The following SLC6A2 variants were observed in gnomAD, a reference collection of about 807,000 sequenced individuals.
SLC6A2 encodes the protein solute carrier family 6 member 2.
A neutral mutation model predicts 71.7 loss-of-function variants in SLC6A2; 26 were observed. That is an observed-to-expected ratio of 0.36 (90% CI 0.27 to 0.50). The LOEUF (loss-of-function observed/expected upper bound fraction) is 0.50, where lower values mean the gene tolerates loss of function less well. Among genes scored for constraint, SLC6A2 ranks in the 20% least tolerant of loss-of-function variants. The pLI, the probability that SLC6A2 is intolerant of heterozygous loss-of-function variation, is 0.96. For synonymous variants in SLC6A2, 363 were observed against 337.9 expected (o/e 1.07, Z -0.82); for missense variants, 581 against 803.9 (o/e 0.72, Z 3.35).
intron 9 of SLC6A2, 91 bp downstream of exon 9, chr16:55,696,428 A>AT: frequency 1.2e-6 from 1 of 807,598 alleles, no homozygotes; most frequent in East Asian, 2.4e-5. Flanking sequence ...AGTTCCCACT[A>AT]TTCAAACACC....
At chr16:55,664,001 A>G (rs1341381034) in intron 2 of SLC6A2, among the ~76,000 whole-genome samples, 5 of 152,110 alleles carry the variant, frequency 3.3e-5, no homozygotes, top group African/African-American at 1.2e-4. Context: ...CACTCAGCTT[A>G]TTAGTATTAC....
chr16:55,670,206 C>G (rs1430289525), intron 3 of SLC6A2, among the ~76,000 whole-genome samples: 1 of 152,140 alleles, frequency 6.6e-6, no homozygotes. Flanking sequence ...ATTTCTTGGC[C>G]CCTATACAGC....
intron 4 of SLC6A2, among the ~76,000 whole-genome samples, chr16:55,678,832 G>C (rs901102746): frequency 6.6e-6 from 1 of 152,204 alleles, no homozygotes; most frequent in East Asian, 1.9e-4. Context: ...TAAAACTGAC[G>C]TAAGTTTCTT....
intron 14 of SLC6A2, 109 bp downstream of exon 14, chr16:55,702,043 C>G (rs2142640038): frequency 1.1e-6 from 1 of 913,644 alleles, no homozygotes; most frequent in Middle Eastern, 2.1e-4. Flanking sequence ...CCCAGAAACC[C>G]AGTGTGAGCT....
chr16:55,686,194 TG>T (rs1266311498), intron 5 of SLC6A2, among the ~76,000 whole-genome samples: 1 of 152,212 alleles, frequency 6.6e-6, no homozygotes. Context: ...TGATATTCCC[TG>T]GACTACATGG....
chr16:55,669,549 C>T lies in SLC6A2; in HGVS notation c.275-16C>T. On this transcript the variant is annotated splice_polypyrimidine_tract_variant and intron_variant, in intron 2 of 14. Transcript: ENST00000568943. ...CAGGGGTCTGTCAGGTCACACTCTG[C>T]CCCTGTGTCCTCCAGGTGCCTTCTT... 2 of 1,613,650 alleles carry T rather than the reference C, an allele frequency of 1.2e-6. No homozygotes were observed. The highest frequency in any genetic ancestry group is 1.3e-5 in the African/African-American group (1 of 75,048).
rs943966557 is a variant in SLC6A2 at position 55,665,471 on chromosome 16, T to G, written c.275-4094T>G. 3.3e-5 allele frequency among the ~76,000 whole-genome samples: 5 copies of G among 152,136 alleles called. 1 individual carries two copies. The highest frequency in any genetic ancestry group is 6.5e-5 in the Admixed American group (1 of 15,278). ...AGCGACAGCCTGTAGCTGAGCTGTG[T>G]GTATCAAGGGAACTATTCTGTGGAT... On this transcript the variant is annotated intron_variant, in intron 2 of 14. Transcript: ENST00000568943.
chr16:55,663,750 C>A (rs78438751), intron 2 of SLC6A2, among the ~76,000 whole-genome samples: 1 of 152,158 alleles, frequency 6.6e-6, no homozygotes. Context: ...GAAAACAGAA[C>A]CTCTCTCTCT....
intron 4 of SLC6A2, among the ~76,000 whole-genome samples, chr16:55,682,060 C>A (rs185465387): frequency 4.5e-4 from 68 of 152,300 alleles, no homozygotes; most frequent in African/African-American, 1.6e-3. Flanking sequence ...GCATGCACTA[C>A]CACACCCAGC....
intron 6 of SLC6A2, among the ~76,000 whole-genome samples, chr16:55,693,548 G>A (rs1188329725): frequency 1.3e-5 from 2 of 152,176 alleles, no homozygotes; most frequent in African/African-American, 2.4e-5. Context: ...ATCACCCAAC[G>A]GATTAAATAC....
intron 4 of SLC6A2, among the ~76,000 whole-genome samples, chr16:55,680,354 A>G (rs1341691838): frequency 6.6e-6 from 1 of 152,176 alleles, no homozygotes; most frequent in Non-Finnish European, 1.5e-5. Flanking sequence ...ATTAAGGAGT[A>G]TCGACTCACA....
Position 55,700,231 on chromosome 16 carries a change from C to T in SLC6A2, c.1683C>T (p.Ile561=), listed in dbSNP as rs777700352. The part of the protein sequence containing the change: ...PPWANWVGWG[I]ALSSMVLVPI... ...GGGCCAACTGGGTGGGGTGGGGCAT[C>T]GCCCTGTCCTCCATGGTCCTGGTGC... Residue 561 remains isoleucine (I), a synonymous_variant, in exon 13 of 15, where the codon ATC becomes ATT. Coordinates refer to ENST00000568943, the MANE Select transcript of SLC6A2 (RefSeq NM_001172501.3). The T allele has an allele frequency of 3.9e-5, 63 of 1,613,964 alleles. No individual in the cohort carries two copies. Among genetic ancestry groups the T allele is most frequent in the South Asian group, 6.6e-5 (6 of 91,076 alleles).
intron 2 of SLC6A2, among the ~76,000 whole-genome samples, chr16:55,667,216 A>G (rs1964777492): frequency 6.6e-6 from 1 of 152,102 alleles, no homozygotes; most frequent in Admixed American, 6.5e-5. Context: ...AGTTTAATAC[A>G]GCTATCTAAC....
rs2142473533 is a variant in SLC6A2 at position 55,656,749 on chromosome 16, A to G, written c.55A>G (p.Thr19Ala). 6.2e-7 allele frequency: 1 copy of G among 1,613,076 alleles called. No homozygotes were observed. The highest frequency in any genetic ancestry group is 1.3e-5 in the African/African-American group (1 of 75,014). ...GCAGCCCGAGAACAACGGGGCGGAC[A>G]CGGGTCCAGAGCAGCCCCTTCGGGC... ...QVQPENNGAD[T>A]GPEQPLRARK... The change falls in exon 2 of 15, where the codon ACG becomes GCG. Residue 19 changes from threonine to alanine, a missense_variant. Physicochemically the swap from Thr to Ala is moderately conservative, Grantham distance 58. Transcript: ENST00000568943. This position sits in a 1 kb window ranked among gnomAD's most constrained non-coding sequence, Gnocchi z 4.5.
At chr16:55,658,769 G>T (rs1350276130) in intron 2 of SLC6A2, among the ~76,000 whole-genome samples, 2 of 152,170 alleles carry the variant, frequency 1.3e-5, no homozygotes, top group Admixed American at 1.3e-4. Flanking sequence ...CTGATCCGTG[G>T]GGAAACAACT....
At chr16:55,662,574 T>C (rs1479965980) in intron 2 of SLC6A2, among the ~76,000 whole-genome samples, 5 of 152,214 alleles carry the variant, frequency 3.3e-5, no homozygotes, top group Non-Finnish European at 7.3e-5. Flanking sequence ...AGCAACCCTC[T>C]GATGTGTTTC....
At position 55,656,506 on chromosome 16, in the gene SLC6A2, C is replaced by T. The variant is rs1964451525; in HGVS notation, c.-51-138C>T. On this transcript the variant is annotated intron_variant, in intron 1 of 14. Transcript: ENST00000568943. The surrounding 1 kb of genome is among the most constrained non-coding windows in gnomAD (Gnocchi z 4.5). ...TCTGTTTCCAAATTTTTCCAGCGGA[C>T]GCGCGCCCTTTTCTGGGAACCCTGC... 1 of 688,320 alleles carries T rather than the reference C, an allele frequency of 1.5e-6. No homozygotes were observed. The allele number at this position is 688,320 out of a possible 1,614,324, so 42.6% of individuals were successfully genotyped here.
chr16:55,695,492 G>A lies in SLC6A2; in HGVS notation c.1147+90G>A, dbSNP rs191038395. The A allele has an allele frequency of 2.5e-3, 3,617 of 1,451,838 alleles. 10 individuals are homozygous for A. Among genetic ancestry groups the A allele is most frequent in the Middle Eastern group, 4.7e-3 (22 of 4,648 alleles). The allele number at this position is 1,451,838 out of a possible 1,614,324, so 89.9% of individuals were successfully genotyped here. A position where few individuals can be genotyped will look rare whatever the true frequency, so the allele number is the denominator to read the frequency against. On this transcript the variant is annotated intron_variant, in intron 8 of 14. Coordinates refer to ENST00000568943, the MANE Select transcript of SLC6A2 (RefSeq NM_001172501.3). ...TTGGCTGCATGGCTCTTCCGTGGCT[G>A]TAGGAATACTGGGTTGTCCATGGAG...
intron 2 of SLC6A2, among the ~76,000 whole-genome samples, chr16:55,664,579 A>C (rs1448915939): frequency 6.6e-6 from 1 of 152,218 alleles, no homozygotes; most frequent in African/African-American, 2.4e-5. Context: ...TCTGCTCTTG[A>C]GTATAATGAC....
Sources: gnomAD v4.1 joint callset for allele counts (sites outside exome capture counted in the v4.1 genomes callset) on GRCh38, gnomAD v4.1.1 for gene constraint, Gnocchi (gnomAD v3.1) non-coding constraint, MANE v1.5 for transcripts, NCBI Gene and HGNC (gene_info 2026-07-23, HGNC 2026-07-21) for gene names.